RABEP1: variants seen among roughly 807,000 people sequenced by gnomAD.
The protein encoded by RABEP1 is rab GTPase-binding effector protein 1.
A neutral mutation model predicts 123.4 loss-of-function variants in RABEP1; 51 were observed. That is an observed-to-expected ratio of 0.41 (90% CI 0.33 to 0.52). The LOEUF is 0.52. Ranked by LOEUF, RABEP1 falls within the 20% of genes least tolerant of loss-of-function variation. The pLI, the probability that RABEP1 is intolerant of heterozygous loss-of-function variation, is 0.16. For missense variants in RABEP1, 888 were observed against 996.3 expected (o/e 0.89, Z 1.46); for synonymous variants, 347 against 355.2 (o/e 0.98, Z 0.26).
chr17:5,343,808 T>A (rs1193804010), intron 5 of RABEP1, among the ~76,000 whole-genome samples: 1 of 151,242 alleles, frequency 6.6e-6, no homozygotes, highest in Non-Finnish European at 1.5e-5. Context: ...CTCAAGTAGC[T>A]GGGATTACAG....
Position 5,368,010 on chromosome 17 carries a change from G to A in RABEP1, c.1786-360G>A, listed in dbSNP as rs1175686790. Among the ~76,000 whole-genome samples, 7 of 152,040 alleles carry A rather than the reference G, an allele frequency of 4.6e-5. 1 individual carries two copies. The South Asian group carries it at 6.3e-4, about 14-fold the overall frequency. On this transcript the variant is annotated intron_variant, in intron 11 of 17. Coordinates refer to ENST00000537505, the MANE Select transcript of RABEP1 (RefSeq NM_004703.6). The stretch of plus-strand genomic sequence containing the variant: ...GACCTCAGGTGATCTGCCCGCCTCA[G>A]CCTCCCAAAGTGCTGGGATTACAGG...
chr17:5,368,041 G>A lies in RABEP1; in HGVS notation c.1786-329G>A, dbSNP rs201300025. On this transcript the variant is annotated intron_variant, in intron 11 of 17. Transcript: ENST00000537505. ...CAAAGTGCTGGGATTACAGGCATAA[G>A]CCACTGCACCCAGCCTGATTTTTTT... is the stretch of plus-strand genomic sequence containing the variant. 9.5e-3 allele frequency among the ~76,000 whole-genome samples: 1,420 copies of A among 148,908 alleles called. 60 individuals are homozygous for A. Among genetic ancestry groups the A allele is most frequent in the East Asian group, 0.069 (312 of 4,554 alleles).
intron 1 of RABEP1, among the ~76,000 whole-genome samples, chr17:5,286,754 A>G (rs1278421215): frequency 1.3e-5 from 2 of 152,250 alleles, no homozygotes; most frequent in Non-Finnish European, 1.5e-5. Context: ...TAGATAATAA[A>G]TAACCCTGCC....
chr17:5,365,077 A>G (rs1255290726), intron 10 of RABEP1, 45 bp from the exon 11 acceptor site: 1 of 1,312,846 alleles, frequency 7.6e-7, no homozygotes, highest in Admixed American at 2.4e-5. Context: ...AAAAAAAATT[A>G]TAAAAGGATT....
chr17:5,333,351 A>T (rs1906747563), intron 3 of RABEP1, among the ~76,000 whole-genome samples: 1 of 151,808 alleles, frequency 6.6e-6, no homozygotes, highest in African/African-American at 2.4e-5. Flanking sequence ...TTTAGTAGAG[A>T]CTGGGTTTCA....
chr17:5,304,949 A>T (rs1322101999), intron 1 of RABEP1, among the ~76,000 whole-genome samples: 8 of 152,226 alleles, frequency 5.3e-5, no homozygotes, highest in Non-Finnish European at 8.8e-5. Context: ...TACCAATTTA[A>T]TAATGACAGC....
intron 12 of RABEP1, among the ~76,000 whole-genome samples, chr17:5,369,326 A>G (rs1425554346): frequency 6.6e-6 from 1 of 152,152 alleles, no homozygotes; most frequent in African/African-American, 2.4e-5. Context: ...TTCCTTTCTC[A>G]AAGTTGGAGC....
chr17:5,376,350 C>T (rs180983907), intron 13 of RABEP1, among the ~76,000 whole-genome samples: 2 of 152,124 alleles, frequency 1.3e-5, no homozygotes, highest in Admixed American at 6.5e-5. Flanking sequence ...AAAAAAGTTC[C>T]AAGAATCCTT....
intron 11 of RABEP1, 134 bp from the exon 12 acceptor site, chr17:5,368,236 G>A: frequency 3.1e-6 from 2 of 647,164 alleles, no homozygotes; most frequent in Non-Finnish European, 5.4e-6. Context: ...GCATGCAGCT[G>A]TTGGATGATG....
At chr17:5,360,622 G>A (rs549445353) in intron 8 of RABEP1, among the ~76,000 whole-genome samples, 4 of 152,192 alleles carry the variant, frequency 2.6e-5, no homozygotes, top group East Asian at 1.9e-4. Flanking sequence ...CTTCTCCTTT[G>A]CTCATCCCCA....
chr17:5,295,830 G>C (rs560454863), intron 1 of RABEP1, among the ~76,000 whole-genome samples: 1 of 152,212 alleles, frequency 6.6e-6, no homozygotes, highest in African/African-American at 2.4e-5. Flanking sequence ...TTCTTCCTCT[G>C]TGGGCCTGTT....
At chr17:5,307,584 C>T (rs1192706005) in intron 1 of RABEP1, among the ~76,000 whole-genome samples, 1 of 152,130 alleles carries the variant, frequency 6.6e-6, no homozygotes, top group East Asian at 1.9e-4. Flanking sequence ...TAACCGATAT[C>T]CCCTAAAGGG....
chr17:5,357,646 C>T (rs1000343462), intron 8 of RABEP1, among the ~76,000 whole-genome samples: 5 of 152,160 alleles, frequency 3.3e-5, no homozygotes, highest in Admixed American at 3.3e-4. Context: ...GCTGGGATTA[C>T]AGGTGTGAGC....
intron 6 of RABEP1, 72 bp from the exon 7 acceptor site, chr17:5,350,379 C>T (rs1375397013): frequency 2.6e-6 from 3 of 1,138,696 alleles, no homozygotes; most frequent in South Asian, 3.5e-5. Flanking sequence ...GACTCCATCT[C>T]AAAAAAAAAA....
In RABEP1 at chr17:5,368,352, A is replaced by G; in HGVS notation, c.1786-18A>G. On this transcript the variant is annotated intron_variant, in intron 11 of 17. Transcript: ENST00000537505. ...ACCGATTTCCTAACTATGTTTCTAT[A>G]CATGTGTTTTTTTAAAGATCTCTGC... 1 of 1,523,684 alleles carries G rather than the reference A, an allele frequency of 6.6e-7. No individual in the cohort carries two copies. Among genetic ancestry groups the G allele is most frequent in the Non-Finnish European group, 9.1e-7 (1 of 1,102,734 alleles). The allele number at this position is 1,523,684 out of a possible 1,614,324, so 94.4% of individuals were successfully genotyped here.
Position 5,383,356 on chromosome 17 carries a change from C to A in RABEP1, c.*133C>A. The A allele has an allele frequency of 4.0e-6, 3 of 744,688 alleles. No individual in the cohort carries two copies. Among genetic ancestry groups the A allele is most frequent in the Non-Finnish European group, 2.2e-6 (1 of 445,102 alleles). 46.1% of individuals were successfully genotyped at this position (744,688 alleles called of 1,614,324 possible). A position where few individuals can be genotyped will look rare whatever the true frequency, so the allele number is the denominator to read the frequency against. ...AGGAAGACTGGAGAAATGCTTACTT[C>A]TAGAGGGAGAAGACTGTGCGGCACA... On this transcript the variant is annotated 3_prime_UTR_variant, in exon 18 of 18. Transcript: ENST00000537505.
Position 5,361,389 on chromosome 17 carries a change from A to G in RABEP1, c.1277A>G (p.Tyr426Cys), listed in dbSNP as rs551273143. Residue 426 changes from tyrosine (Y) to cysteine (C), a missense_variant, in exon 9 of 18, where the codon TAC becomes TGC. By Grantham distance (194) the Tyr-to-Cys change is radical (BLOSUM62 -2). Transcript: ENST00000537505. ...SLQSKALGYN[Y>C]KAKSAGNLDE... ...CAATCCAAAGCTTTAGGCTATAACT[A>G]CAAAGCAAAATCTGCTGGAAACCTG... 1.2e-6 allele frequency: 2 copies of G among 1,614,196 alleles called. No homozygotes were observed. Among genetic ancestry groups the G allele is most frequent in the South Asian group, 1.1e-5 (1 of 91,086 alleles).
At chr17:5,297,638 T>G (rs9903210) in intron 1 of RABEP1, among the ~76,000 whole-genome samples, 3,314 of 152,312 alleles carry the variant, frequency 0.022, 119 homozygotes, top group African/African-American at 0.075. Context: ...GTTTGAAAAT[T>G]TAATGAGCCA....
Position 5,350,779 on chromosome 17 carries a change from A to G in RABEP1, c.963+150A>G. 3 of 860,378 alleles carry G rather than the reference A, an allele frequency of 3.5e-6. No homozygotes were observed. In the South Asian group the frequency reaches 5.2e-5, roughly 15 times the overall value. The allele number at this position is 860,378 out of a possible 1,614,324, so 53.3% of individuals were successfully genotyped here. On this transcript the variant is annotated intron_variant, in intron 7 of 17. Coordinates refer to ENST00000537505, the MANE Select transcript of RABEP1 (RefSeq NM_004703.6). The stretch of plus-strand genomic sequence containing the variant: ...CCACTTTTAAAAACATAACAGCTAC[A>G]TTTGAGGGGTTTTGTTTTTCATCTT...
Sources: gnomAD v4.1 joint callset for allele counts (sites outside exome capture counted in the v4.1 genomes callset) on GRCh38, gnomAD v4.1.1 for gene constraint, MANE v1.5 for transcripts, NCBI Gene and HGNC (gene_info 2026-07-23, HGNC 2026-07-21) for gene names.